Variants in NKAIN3 observed in about 807,000 individuals in gnomAD.
NKAIN3 encodes the protein sodium/potassium-transporting ATPase subunit beta-1-interacting protein 3.
NKAIN3 carries 25 observed loss-of-function variants against 30.2 expected under a neutral mutation model. The observed-to-expected ratio is 0.83, with a 90% CI of 0.60 to 1.16. NKAIN3 has a LOEUF of 1.16. Ranked by LOEUF, NKAIN3 falls within the 50% of genes most tolerant of loss-of-function variation. NKAIN3 has a pLI of 0.00. For missense variants in NKAIN3, 225 were observed against 254.1 expected, an observed-to-expected ratio of 0.89 and a Z score of 0.78; for synonymous variants, 91 against 89.6, an observed-to-expected ratio of 1.02 and a Z score of -0.09.
At chr8:62,837,945 T>C (rs929527090) in intron 4 of NKAIN3, among the ~76,000 whole-genome samples, 3 of 151,990 alleles carry the variant, frequency 2.0e-5, no homozygotes, top group African/African-American at 7.2e-5. Flanking sequence ...AGTTGTATAG[T>C]CTGGGTTTAT....
At chr8:62,880,188 G>C (rs966995517) in intron 4 of NKAIN3, among the ~76,000 whole-genome samples, 1 of 152,128 alleles carries the variant, frequency 6.6e-6, no homozygotes, top group Non-Finnish European at 1.5e-5. Flanking sequence ...GAAACAAAGA[G>C]GCAGAGAGAG....
intron 1 of NKAIN3, among the ~76,000 whole-genome samples, chr8:62,461,832 T>A (rs1806009665): frequency 6.6e-6 from 1 of 152,144 alleles, no homozygotes; most frequent in South Asian, 2.1e-4. Context: ...TGGGAAATTG[T>A]CAAGCAGACC....
chr8:62,362,927 G>A (rs553120167), intron 1 of NKAIN3, among the ~76,000 whole-genome samples: 33 of 152,196 alleles, frequency 2.2e-4, no homozygotes, highest in Non-Finnish European at 4.3e-4. Context: ...GTGACTGGTT[G>A]AAATATGGCT....
At chr8:62,408,123 A>G (rs893500806) in intron 1 of NKAIN3, among the ~76,000 whole-genome samples, 1 of 152,162 alleles carries the variant, frequency 6.6e-6, no homozygotes, top group African/African-American at 2.4e-5. Flanking sequence ...TTCACCACAT[A>G]TTTTAGATAT....
chr8:62,625,602 G>A (rs978258919), intron 3 of NKAIN3, among the ~76,000 whole-genome samples: 1 of 152,104 alleles, frequency 6.6e-6, no homozygotes, highest in Non-Finnish European at 1.5e-5. Context: ...AATAGTCCCT[G>A]CCTCATCAGG....
At chr8:62,933,323 G>A (rs1400772224) in intron 5 of NKAIN3, among the ~76,000 whole-genome samples, 2 of 152,158 alleles carry the variant, frequency 1.3e-5, no homozygotes, top group Non-Finnish European at 2.9e-5. Flanking sequence ...AATTGTGAAA[G>A]CGGACAGTAA....
At chr8:62,413,965 A>G (rs376685845) in intron 1 of NKAIN3, among the ~76,000 whole-genome samples, 1 of 152,240 alleles carries the variant, frequency 6.6e-6, no homozygotes, top group Admixed American at 6.5e-5. Context: ...TATTTATACT[A>G]TTAGACATAG....
At chr8:62,748,041 A>G (rs1816140733) in intron 4 of NKAIN3, among the ~76,000 whole-genome samples, 1 of 152,218 alleles carries the variant, frequency 6.6e-6, no homozygotes, top group African/African-American at 2.4e-5. Flanking sequence ...TACTGTATTC[A>G]TTATCTACTA....
chr8:62,700,390 C>A (rs529807762), intron 3 of NKAIN3, among the ~76,000 whole-genome samples: 19 of 152,232 alleles, frequency 1.2e-4, no homozygotes, highest in Non-Finnish European at 2.6e-4. Flanking sequence ...GTTGTTACAA[C>A]TCCCTGAATT....
At chr8:62,505,833 A>G (rs1807615938) in intron 1 of NKAIN3, among the ~76,000 whole-genome samples, 1 of 152,172 alleles carries the variant, frequency 6.6e-6, no homozygotes, top group African/African-American at 2.4e-5. Context: ...AAGTTATCTT[A>G]TAATTCTGTA....
chr8:62,354,417 T>C (rs1816279171), intron 1 of NKAIN3, among the ~76,000 whole-genome samples: 1 of 152,220 alleles, frequency 6.6e-6, no homozygotes, highest in Admixed American at 6.5e-5. Flanking sequence ...GACTCCTGGA[T>C]AAGAGGTGAA....
At chr8:62,822,726 GC>G (rs2130733315) in intron 4 of NKAIN3, among the ~76,000 whole-genome samples, 1 of 152,260 alleles carries the variant, frequency 6.6e-6, no homozygotes, top group African/African-American at 2.4e-5. Context: ...ACTTCCTTTT[GC>G]CGAAGGTGTT....
chr8:62,346,462 G>T (rs1816010497), intron 1 of NKAIN3, among the ~76,000 whole-genome samples: 1 of 152,008 alleles, frequency 6.6e-6, no homozygotes, highest in Non-Finnish European at 1.5e-5. Context: ...TAGACCTTAT[G>T]CAGCTATTAA....
At chr8:62,394,455 A>AT (rs895257330) in intron 1 of NKAIN3, among the ~76,000 whole-genome samples, 5 of 149,970 alleles carry the variant, frequency 3.3e-5, no homozygotes, top group Non-Finnish European at 4.4e-5. Context: ...GAGTTATTGT[A>AT]TTTTTTTCTT....
At chr8:62,378,963 C>A (rs550705658) in intron 1 of NKAIN3, among the ~76,000 whole-genome samples, 4 of 152,306 alleles carry the variant, frequency 2.6e-5, no homozygotes, top group Non-Finnish European at 4.4e-5. Flanking sequence ...AAGCCCCAGA[C>A]ACTCAATGCC....
At position 62,548,785 on chromosome 8, in the gene NKAIN3, T is replaced by C. The variant is rs189858052; in HGVS notation, c.55-30754T>C. 2.1e-3 allele frequency among the ~76,000 whole-genome samples: 316 copies of C among 150,730 alleles called. 1 individual carries two copies. The highest frequency in any genetic ancestry group is 7.3e-3 in the African/African-American group (301 of 41,306). On this transcript the variant is annotated intron_variant, in intron 1 of 6. Transcript: ENST00000623646. Reference sequence around the variant, plus strand: ...ATAAAAATATATATAATAGTATATATATACAATTGTAAACATGGAAAATAT... The same window carrying C: ...ATAAAAATATATATAATAGTATATACATACAATTGTAAACATGGAAAATAT...
chr8:62,960,862 A>G (rs191162649), intron 6 of NKAIN3, among the ~76,000 whole-genome samples: 487 of 152,300 alleles, frequency 3.2e-3, no homozygotes, highest in Non-Finnish European at 5.5e-3. Flanking sequence ...AACTACTAAC[A>G]TATCTACAAA....
At chr8:62,430,389 G>A (rs1447943871) in intron 1 of NKAIN3, among the ~76,000 whole-genome samples, 2 of 151,078 alleles carry the variant, frequency 1.3e-5, no homozygotes, top group Non-Finnish European at 3.0e-5. Flanking sequence ...GTGTGTGTGT[G>A]TGTGTGTGTG....
intron 1 of NKAIN3, among the ~76,000 whole-genome samples, chr8:62,412,458 T>A (rs550939891): frequency 6.6e-6 from 1 of 152,270 alleles, no homozygotes; most frequent in Admixed American, 6.5e-5. Flanking sequence ...AATATTTAAA[T>A]GTAAGACCTC....
Sources: gnomAD v4.1 joint callset for allele counts (sites outside exome capture counted in the v4.1 genomes callset) on GRCh38, gnomAD v4.1.1 for gene constraint, MANE v1.5 for transcripts, NCBI Gene and HGNC (gene_info 2026-07-23, HGNC 2026-07-21) for gene names.